The following FOCAD variants were observed in gnomAD, a reference collection of about 807,000 sequenced individuals.
FOCAD encodes focadhesin.
FOCAD carries 198 observed loss-of-function variants against 225.6 expected under a neutral mutation model. The ratio of observed to expected loss-of-function variants is 0.88; its 90% CI spans 0.78 to 0.99. The LOEUF (loss-of-function observed/expected upper bound fraction) is 0.99. Among genes scored for constraint, FOCAD ranks in the 50% least tolerant of loss-of-function variants. The pLI, the probability that FOCAD is intolerant of heterozygous loss-of-function variation, is 0.00. For synonymous variants in FOCAD, 897 were observed against 755.0 expected, an observed-to-expected ratio of 1.19 and a Z score of -3.08; for missense variants, 2,713 against 2,123.6, an observed-to-expected ratio of 1.28 and a Z score of -5.46.
At chr9:20,752,998 T>C (rs1334949901) in intron 5 of FOCAD, among the ~76,000 whole-genome samples, 2 of 151,418 alleles carry the variant, frequency 1.3e-5, no homozygotes, top group Non-Finnish European at 3.0e-5. Context: ...GTGATTTTTG[T>C]ACATTGATTT....
At chr9:20,917,598 C>G (rs1833981405) in intron 24 of FOCAD, among the ~76,000 whole-genome samples, 1 of 152,054 alleles carries the variant, frequency 6.6e-6, no homozygotes, top group South Asian at 2.1e-4. Context: ...GTTACACTCC[C>G]TTCCACCATC....
At chr9:20,907,343 A>G in intron 22 of FOCAD, 101 bp downstream of exon 22, 4 of 881,054 alleles carry the variant, frequency 4.5e-6, no homozygotes, top group Non-Finnish European at 7.5e-6. Context: ...GGAAAATAGC[A>G]CTACCAAAAA....
chr9:20,778,560 T>TG (rs1200816963), intron 8 of FOCAD, 121 bp from the exon 9 acceptor site: 2 of 581,276 alleles, frequency 3.4e-6, no homozygotes, highest in African/African-American at 1.9e-5. Context: ...GCTGTATAAA[T>TG]AAATTTGTGT....
chr9:20,968,705 T>C (rs773593379), intron 35 of FOCAD, among the ~76,000 whole-genome samples: 4 of 151,936 alleles, frequency 2.6e-5, no homozygotes, highest in Non-Finnish European at 1.5e-5. Context: ...TCCCAAAGTA[T>C]TGGGATTACA....
intron 5 of FOCAD, among the ~76,000 whole-genome samples, chr9:20,749,777 T>A (rs536463974): frequency 1.3e-5 from 2 of 152,224 alleles, no homozygotes; most frequent in African/African-American, 4.8e-5. Flanking sequence ...TATTCAGAGA[T>A]GTAGCAAGAA....
intron 28 of FOCAD, among the ~76,000 whole-genome samples, chr9:20,936,100 C>G (rs1266527144): frequency 1.3e-5 from 2 of 152,106 alleles, no homozygotes; most frequent in East Asian, 3.9e-4. Flanking sequence ...TTTGAGGGAG[C>G]AACATCGTAG....
intron 11 of FOCAD, among the ~76,000 whole-genome samples, chr9:20,804,494 T>C (rs1184770082): frequency 5.3e-5 from 8 of 152,126 alleles, no homozygotes; most frequent in Admixed American, 5.2e-4. Flanking sequence ...TGAAGAATCA[T>C]GCATGCATAT....
At chr9:20,738,202 A>T (rs1351013956) in intron 4 of FOCAD, among the ~76,000 whole-genome samples, 2 of 152,244 alleles carry the variant, frequency 1.3e-5, no homozygotes, top group Non-Finnish European at 2.9e-5. Context: ...TTCTCAGAAG[A>T]ATGTGAACAG....
At chr9:20,696,211 CA>C (rs1164378515) in intron 1 of FOCAD, among the ~76,000 whole-genome samples, 1 of 152,188 alleles carries the variant, frequency 6.6e-6, no homozygotes, top group Non-Finnish European at 1.5e-5. Context: ...CTTGTAACTG[CA>C]GGCATGTATC....
At chr9:20,789,165 T>G (rs1055295989) in intron 10 of FOCAD, among the ~76,000 whole-genome samples, 186 bp from the exon 11 acceptor site, 1 of 152,234 alleles carries the variant, frequency 6.6e-6, no homozygotes, top group Non-Finnish European at 1.5e-5. Flanking sequence ...ATCTAACAAC[T>G]CTTTTCTCTT....
At chr9:20,710,084 A>C (rs1824710741) in intron 1 of FOCAD, among the ~76,000 whole-genome samples, 1 of 152,174 alleles carries the variant, frequency 6.6e-6, no homozygotes. Context: ...TCTTCTGTAT[A>C]GTTCTATCAC....
At chr9:20,851,839 CCT>C (rs1827689412) in intron 15 of FOCAD, among the ~76,000 whole-genome samples, 1 of 151,868 alleles carries the variant, frequency 6.6e-6, no homozygotes, top group African/African-American at 2.4e-5. Flanking sequence ...CAGCCCACTA[CCT>C]TTTTTTGTAA....
chr9:20,693,513 TTC>T (rs1000860779), intron 1 of FOCAD, among the ~76,000 whole-genome samples: 15 of 152,226 alleles, frequency 9.9e-5, no homozygotes, highest in Non-Finnish European at 1.5e-4. Context: ...GCAGGGATTT[TTC>T]TCTGTTTTCC....
rs768244502 is a variant in FOCAD at position 20,978,467 on chromosome 9, T to G, written c.4377+13T>G. On this transcript the variant is annotated intron_variant, in intron 37 of 43. Coordinates refer to ENST00000338382, the MANE Select transcript of FOCAD (RefSeq NM_001375567.1). ...CCACAGTCTGAGTGTATGTAGTAAC[T>G]AAGGGTGTTGGCCAACAGGAGGATA... 4 of 1,549,844 alleles carry G rather than the reference T, an allele frequency of 2.6e-6. No homozygotes were observed. In the East Asian group the frequency reaches 9.3e-5, roughly 36 times the overall value.
chr9:20,974,082 G>T, intron 35 of FOCAD, among the ~76,000 whole-genome samples: 1 of 147,594 alleles, frequency 6.8e-6, no homozygotes, highest in Admixed American at 6.7e-5. Context: ...TGCTGTCTCT[G>T]CCCTACTTCC....
intron 15 of FOCAD, among the ~76,000 whole-genome samples, chr9:20,856,331 G>T (rs918036653): frequency 6.6e-6 from 1 of 151,790 alleles, no homozygotes; most frequent in Admixed American, 6.6e-5. Flanking sequence ...GTTTTAATTT[G>T]CATTTCTCTG....
chr9:20,842,861 CTTTTTAT>C (rs1826682374), intron 15 of FOCAD, among the ~76,000 whole-genome samples: 3 of 151,720 alleles, frequency 2.0e-5, no homozygotes, highest in South Asian at 2.1e-4. Context: ...TAAATTTTTA[CTTTTTAT>C]TTTTTATATA....
At position 20,875,092 on chromosome 9, in the gene FOCAD, A is replaced by ATTT. The variant is rs138410083; in HGVS notation, c.2317+285_2317+286insTTT. ...ATTTAAAAGGCTAAATGTATTCCAC[A>ATTT]AGATGAATTTGCACTGGTACTCTAG... On this transcript the variant is annotated intron_variant, in intron 19 of 43. Transcript: ENST00000338382. The ATTT allele has an allele frequency of 3.6e-3, 1,217 of 340,394 alleles. 14 individuals carry two copies. The highest frequency in any genetic ancestry group is 0.025 in the African/African-American group (1,137 of 45,564). The allele number at this position is 340,394 out of a possible 1,614,324, so 21.1% of individuals were successfully genotyped here. A position where few individuals can be genotyped will look rare whatever the true frequency, so the allele number is the denominator to read the frequency against.
rs1041459138 is a variant in FOCAD at position 20,789,573 on chromosome 9, G to A, written c.1420G>A (p.Val474Ile). The A allele has an allele frequency of 8.7e-6, 14 of 1,613,820 alleles. No individual in the cohort carries two copies. The highest frequency in any genetic ancestry group is 1.3e-5 in the African/African-American group (1 of 74,866). Residue 474 changes from valine to isoleucine, a missense_variant, in exon 11 of 44, where the codon GTC becomes ATC. Val to Ile is a conservative substitution (Grantham distance 29). Coordinates refer to ENST00000338382, the MANE Select transcript of FOCAD (RefSeq NM_001375567.1). ...KGQNLHQILK[V>I]TTELAQADSS... ...ACAAAATCTTCACCAAATACTCAAG[G>A]TCACTACAGAATTAGCCCAAGCAGA...
Sources: gnomAD v4.1 joint callset for allele counts (sites outside exome capture counted in the v4.1 genomes callset) on GRCh38, gnomAD v4.1.1 for gene constraint, MANE v1.5 for transcripts, NCBI Gene and HGNC (gene_info 2026-07-23, HGNC 2026-07-21) for gene names.